The following MINDY2 variants were observed in gnomAD, a reference collection of about 807,000 sequenced individuals.
MINDY2 encodes ubiquitin carboxyl-terminal hydrolase MINDY-2.
In MINDY2, 52 loss-of-function variants were observed where a neutral mutation model predicts 68.2. That is an observed-to-expected ratio of 0.76 (90% confidence interval 0.61 to 0.96). The LOEUF is 0.96. Ranked by LOEUF, MINDY2 falls within the 40% of genes least tolerant of loss-of-function variation. The pLI is 0.00. For synonymous variants in MINDY2, 372 were observed against 303.0 expected (o/e 1.23, Z -2.36); for missense variants, 881 against 773.4 (o/e 1.14, Z -1.65).
At chr15:58,808,967 G>T (rs564126909) in intron 3 of MINDY2, among the ~76,000 whole-genome samples, 3 of 152,334 alleles carry the variant, frequency 2.0e-5, no homozygotes, top group East Asian at 1.9e-4. Flanking sequence ...ATCCCAATAC[G>T]TTGAGAGGCT....
intron 3 of MINDY2, among the ~76,000 whole-genome samples, chr15:58,806,459 G>A (rs550312661): frequency 6.6e-6 from 1 of 150,970 alleles, no homozygotes; most frequent in East Asian, 2.0e-4. Context: ...CTGGGCTCAA[G>A]TGATCTGCTC....
In MINDY2 at chr15:58,771,968, C is replaced by A; in HGVS notation, c.573C>A (p.Phe191Leu). ...ATTCTTTTCCCAGTAGCTGCGAGTT[C>A]AATAGTGAGGAGGGAGCGGAGAACA... ...NLHSFPSSCE[F>L]NSEEGAENRV... Residue 191 changes from phenylalanine to leucine, a missense_variant, in exon 1 of 9, where the codon TTC becomes TTA. Physicochemically the swap from Phe to Leu is conservative, Grantham distance 22. Coordinates refer to ENST00000559228, the MANE Select transcript of MINDY2 (RefSeq NM_001040450.3). The A allele has an allele frequency of 6.4e-7, 1 of 1,571,344 alleles. No individual in the cohort carries two copies. Among genetic ancestry groups the A allele is most frequent in the Non-Finnish European group, 8.6e-7 (1 of 1,160,838 alleles).
At chr15:58,852,147 G>A (rs766888846) in intron 8 of MINDY2, among the ~76,000 whole-genome samples, 182 bp downstream of exon 8, 11 of 151,820 alleles carry the variant, frequency 7.2e-5, no homozygotes, top group South Asian at 2.1e-4. Flanking sequence ...TTAGCCGGGC[G>A]TGGTGGTGGT....
At chr15:58,774,811 AGT>A (rs1211936767) in intron 1 of MINDY2, among the ~76,000 whole-genome samples, 10 of 152,208 alleles carry the variant, frequency 6.6e-5, no homozygotes, top group Admixed American at 6.5e-4. Context: ...CCTTGGTTGA[AGT>A]GTGCAGCATA....
intron 6 of MINDY2, among the ~76,000 whole-genome samples, chr15:58,839,518 A>G (rs1372255305): frequency 2.0e-5 from 3 of 151,990 alleles, no homozygotes; most frequent in Non-Finnish European, 4.4e-5. Context: ...TTTTCGTAGG[A>G]ATGTGGTTTC....
chr15:58,795,178 A>AAATAAAT (rs1567046211), intron 2 of MINDY2, among the ~76,000 whole-genome samples: 1 of 149,892 alleles, frequency 6.7e-6, no homozygotes, highest in African/African-American at 2.5e-5. Flanking sequence ...TCGTCTCCAA[A>AAATAAAT]AAATAAATAA....
rs147705138 is a variant in MINDY2, at chr15:58,821,482, C to G, written c.1123-235C>G. On this transcript the variant is annotated intron_variant, in intron 4 of 8. Transcript: ENST00000559228. ...GTTGCATGTAATAATCCCATTTAAT[C>G]TTATTTTGCATAATTAAAATAATAC... Among the ~76,000 whole-genome samples, 272 of 152,140 alleles carry G rather than the reference C, an allele frequency of 1.8e-3. 1 individual carries two copies. Among genetic ancestry groups the G allele is most frequent in the African/African-American group, 6.0e-3 (248 of 41,516 alleles).
At chr15:58,828,255 T>C (rs1396577707) in intron 5 of MINDY2, among the ~76,000 whole-genome samples, 6 of 152,030 alleles carry the variant, frequency 3.9e-5, no homozygotes, top group African/African-American at 1.4e-4. Context: ...GAGGAAAAAA[T>C]ACATTAATGT....
chr15:58,785,202 A>ATTAAGATCT (rs1262588315), intron 1 of MINDY2, among the ~76,000 whole-genome samples: 2 of 152,010 alleles, frequency 1.3e-5, no homozygotes, highest in Non-Finnish European at 2.9e-5. Flanking sequence ...TAAAAAAATA[A>ATTAAGATCT]TTAAGATCTG....
chr15:58,816,767 G>A (rs966833082), intron 4 of MINDY2, among the ~76,000 whole-genome samples: 3 of 152,064 alleles, frequency 2.0e-5, no homozygotes, highest in Admixed American at 6.6e-5. Context: ...AACTCACACC[G>A]CAAAATTCTA....
At chr15:58,842,123 T>C (rs754030178) in intron 6 of MINDY2, among the ~76,000 whole-genome samples, 25 of 152,236 alleles carry the variant, frequency 1.6e-4, no homozygotes, top group Non-Finnish European at 3.5e-4. Context: ...TTTCCTATTA[T>C]GACTTCTTGA....
At position 58,821,819 on chromosome 15, in the gene MINDY2, G is replaced by T; in HGVS notation, c.1225G>T (p.Gly409Cys). ...AGACAATAGTGAGCTGGTTAGTGAA[G>T]GTGGGTGAGTGCTGCTATTTCCTGA... ...QSDNSELVSE[G>C]FVAEQFLNNT... The change falls in exon 5 of 9, where the codon GGC (glycine) becomes TGC (cysteine). Residue 409 changes from glycine to cysteine, a missense_variant and splice_region_variant. Transcript: ENST00000559228. The T allele has an allele frequency of 1.3e-6, 2 of 1,573,544 alleles. No individual in the cohort carries two copies. Among genetic ancestry groups the T allele is most frequent in the Admixed American group, 1.9e-5 (1 of 53,270 alleles).
chr15:58,854,041 G>A (rs1463559753), intron 8 of MINDY2, among the ~76,000 whole-genome samples: 2 of 151,970 alleles, frequency 1.3e-5, no homozygotes, highest in African/African-American at 4.8e-5. Flanking sequence ...TCAGGAGTGT[G>A]AGACCAGCCT....
chr15:58,850,366 G>A (rs1429202140), intron 7 of MINDY2, among the ~76,000 whole-genome samples: 2 of 152,152 alleles, frequency 1.3e-5, no homozygotes, highest in Non-Finnish European at 2.9e-5. Flanking sequence ...ATGACACTAA[G>A]TGGAAAAGAA....
chr15:58,804,005 G>GT (rs1902853669), intron 3 of MINDY2, among the ~76,000 whole-genome samples: 1 of 149,870 alleles, frequency 6.7e-6, no homozygotes, highest in Non-Finnish European at 1.5e-5. Context: ...GCAGGCGCCT[G>GT]TAAGTCCTAG....
At chr15:58,826,575 T>A (rs1394093520) in intron 5 of MINDY2, among the ~76,000 whole-genome samples, 3 of 152,216 alleles carry the variant, frequency 2.0e-5, no homozygotes, top group Non-Finnish European at 4.4e-5. Context: ...ATTGCAAATA[T>A]AGCACTTTAC....
intron 6 of MINDY2, among the ~76,000 whole-genome samples, chr15:58,839,415 T>G (rs900164078): frequency 6.6e-6 from 1 of 152,130 alleles, no homozygotes; most frequent in Non-Finnish European, 1.5e-5. Context: ...CACTGCAACC[T>G]CCACCTCCCC....
At chr15:58,806,776 A>C (rs1313861787) in intron 3 of MINDY2, among the ~76,000 whole-genome samples, 1 of 152,130 alleles carries the variant, frequency 6.6e-6, no homozygotes, top group Non-Finnish European at 1.5e-5. Flanking sequence ...ATTTTTTCAG[A>C]TTCATCATTG....
chr15:58,830,253 T>G (rs1438731724), intron 5 of MINDY2, among the ~76,000 whole-genome samples: 1 of 152,216 alleles, frequency 6.6e-6, no homozygotes, highest in Non-Finnish European at 1.5e-5. Flanking sequence ...TGGTAACATT[T>G]TCATCAGCTG....
Sources: allele counts gnomAD v4.1 joint callset (sites outside exome capture counted in the v4.1 genomes callset), GRCh38; gene constraint gnomAD v4.1.1; transcripts MANE v1.5; gene names NCBI Gene and HGNC (gene_info 2026-07-23, HGNC 2026-07-21).